TBCD: variants seen among roughly 807,000 people sequenced by gnomAD.
TBCD encodes the protein tubulin folding cofactor D.
In TBCD, 105 loss-of-function variants were observed where a neutral mutation model predicts 169.3. That is an observed-to-expected ratio of 0.62 (90% CI 0.53 to 0.73). The LOEUF (loss-of-function observed/expected upper bound fraction) is 0.73. TBCD is among the 30% of genes least tolerant of loss of function. TBCD has a pLI of 0.00. For synonymous variants in TBCD, 700 were observed against 643.9 expected, an observed-to-expected ratio of 1.09 and a Z score of -1.32; for missense variants, 1,444 against 1,600.1, an observed-to-expected ratio of 0.90 and a Z score of 1.66.
At position 82,884,333 on chromosome 17, in the gene TBCD, G is replaced by C. The variant is rs1489260602; in HGVS notation, c.1533+131G>C. 5.2e-5 allele frequency: 44 copies of C among 838,842 alleles called. No homozygotes were observed. The South Asian group carries it at 5.6e-4, about 11-fold the overall frequency. 52.0% of individuals were successfully genotyped at this position (838,842 alleles called of 1,614,324 possible). ...GCAGGAGCCGCGAGGGAGCTGCTGA[G>C]AGTGCCAGCTGCGGGCAGGCCACTG... On this transcript the variant is annotated intron_variant, in intron 15 of 38. Coordinates refer to ENST00000355528, the MANE Select transcript of TBCD (RefSeq NM_005993.5). The surrounding 1 kb of genome is among the most constrained non-coding windows in gnomAD (Gnocchi z 4.2).
intron 1 of TBCD, among the ~76,000 whole-genome samples, chr17:82,755,248 C>A (rs955737043): frequency 1.3e-5 from 2 of 152,140 alleles, no homozygotes; most frequent in Non-Finnish European, 2.9e-5. Flanking sequence ...TTTTCTTATG[C>A]AGATGAAGGT....
chr17:82,860,396 C>T lies in TBCD; in HGVS notation c.1319-9828C>T, dbSNP rs536255379. The T allele has an allele frequency of 2.1e-5, 21 of 985,458 alleles. No homozygotes were observed. In the East Asian group the frequency reaches 1.4e-3, roughly 64 times the overall value. 61.0% of individuals were successfully genotyped at this position (985,458 alleles called of 1,614,324 possible). ...GGCTCTTTTCCCTGTGGTGGCTGCT[C>T]GGGTGGCAGTGAGCGGACAGCGAGG... On this transcript the variant is annotated intron_variant, in intron 13 of 38. Transcript: ENST00000355528.
intron 13 of TBCD, among the ~76,000 whole-genome samples, chr17:82,851,061 G>T (rs1028842599): frequency 6.6e-6 from 1 of 152,156 alleles, no homozygotes; most frequent in Non-Finnish European, 1.5e-5. Context: ...GGCACCTGAG[G>T]AACATTCACA....
In TBCD at chr17:82,789,304, A is replaced by G. The variant is rs1329064037; in HGVS notation, c.771+7583A>G. Among the ~76,000 whole-genome samples, 1 of 152,222 alleles carries G rather than the reference A, an allele frequency of 6.6e-6. No homozygotes were observed. The highest frequency in any genetic ancestry group is 2.4e-5 in the African/African-American group (1 of 41,456). On this transcript the variant is annotated intron_variant, in intron 7 of 38. Coordinates refer to ENST00000355528, the MANE Select transcript of TBCD (RefSeq NM_005993.5). This position sits in a 1 kb window ranked among gnomAD's most constrained non-coding sequence, Gnocchi z 4.8. ...TGCCGTGAGTCTTACAGAAACCTGC[A>G]TGGTGAGCCGCACGCCTTTGAGTCC...
At chr17:82,875,589 C>A (rs1452041672) in intron 14 of TBCD, among the ~76,000 whole-genome samples, 1 of 152,230 alleles carries the variant, frequency 6.6e-6, no homozygotes, top group East Asian at 1.9e-4. Flanking sequence ...TCGAGCAAAC[C>A]TGCTGAGCGG....
Position 82,939,442 on chromosome 17 carries a change from G to C in TBCD, c.3445G>C (p.Asp1149His). Residue 1149 changes from aspartate to histidine, a missense_variant, in exon 37 of 39, where the codon GAC becomes CAC. Physicochemically the swap from Asp to His is moderately conservative, Grantham distance 81. Coordinates refer to ENST00000355528, the MANE Select transcript of TBCD (RefSeq NM_005993.5). ...TGACGTCGTGGGCGCGGATGTGCTG[G>C]ACGAGGTGGTGACTGTGCTCAGTGA... The part of the protein sequence containing the change: ...YSDVVGADVL[D>H]EVVTVLSDTA... The C allele has an allele frequency of 1.2e-6, 2 of 1,613,676 alleles. No homozygotes were observed. Among genetic ancestry groups the C allele is most frequent in the South Asian group, 2.2e-5 (2 of 90,980 alleles).
intron 12 of TBCD, among the ~76,000 whole-genome samples, chr17:82,810,500 T>G (rs1427892334): frequency 6.6e-6 from 1 of 151,046 alleles, no homozygotes; most frequent in Non-Finnish European, 1.5e-5. Flanking sequence ...CTTGTCAGCC[T>G]TCAGGGAGTT....
chr17:82,769,361 A>G (rs2048187512), intron 5 of TBCD, among the ~76,000 whole-genome samples: 1 of 152,188 alleles, frequency 6.6e-6, no homozygotes, highest in Admixed American at 6.5e-5. Context: ...GTGACGTCCC[A>G]TTCCTCTGCC....
chr17:82,872,054 G>T lies in TBCD; in HGVS notation c.1475+1674G>T, dbSNP rs190422509. Among the ~76,000 whole-genome samples, 5 of 152,294 alleles carry T rather than the reference G, an allele frequency of 3.3e-5. No individual in the cohort carries two copies. The East Asian group carries it at 9.6e-4, about 29-fold the overall frequency. ...CTTACCAAATACTCAGTAGCGTCCGGAGAGGGACCTCAACCCGGTTACTTC... is the reference window on the plus strand; with the variant it reads ...CTTACCAAATACTCAGTAGCGTCCGTAGAGGGACCTCAACCCGGTTACTTC... On this transcript the variant is annotated intron_variant, in intron 14 of 38. Coordinates refer to ENST00000355528, the MANE Select transcript of TBCD (RefSeq NM_005993.5).
chr17:82,910,591 C>T (rs2060563742), intron 22 of TBCD, among the ~76,000 whole-genome samples: 1 of 151,418 alleles, frequency 6.6e-6, no homozygotes, highest in Admixed American at 6.6e-5. Flanking sequence ...TTTGGAGAAG[C>T]AGTCTCACTC....
intron 2 of TBCD, among the ~76,000 whole-genome samples, chr17:82,761,138 A>G (rs1221569304): frequency 1.3e-5 from 2 of 151,994 alleles, no homozygotes; most frequent in African/African-American, 4.8e-5. Context: ...CAATTTTTGT[A>G]TTCTGAGTAG....
chr17:82,892,689 C>A lies in TBCD; in HGVS notation c.1564-858C>A, dbSNP rs528039312. Among the ~76,000 whole-genome samples the A allele has an allele frequency of 1.5e-3, 234 of 152,276 alleles. 1 individual carries two copies. Among genetic ancestry groups the A allele is most frequent in the African/African-American group, 5.5e-3 (229 of 41,552 alleles). Reference sequence around the variant, plus strand: ...AGACGTCAAGGAAGGATCTGAATCCCGGCCTCGGAGGTGGGCAGGCTTGGG... The same window carrying A: ...AGACGTCAAGGAAGGATCTGAATCCAGGCCTCGGAGGTGGGCAGGCTTGGG... On this transcript the variant is annotated intron_variant, in intron 16 of 38. Coordinates refer to ENST00000355528, the MANE Select transcript of TBCD (RefSeq NM_005993.5).
rs554272717 is a variant in TBCD at position 82,861,954 on chromosome 17, G to A, written c.1319-8270G>A. Among the ~76,000 whole-genome samples the A allele has an allele frequency of 6.1e-4, 91 of 150,100 alleles. 4 individuals carry two copies. In the South Asian group the frequency reaches 0.018, roughly 29 times the overall value. On this transcript the variant is annotated intron_variant, in intron 13 of 38. Coordinates refer to ENST00000355528, the MANE Select transcript of TBCD (RefSeq NM_005993.5). ...TTTTTTGAGACAGAGTCTCGCTGTC[G>A]CCCAGGCTGGAGTGCTGGAGTGCAG...
chr17:82,833,000 G>A lies in TBCD; in HGVS notation c.1318+18066G>A, dbSNP rs74002545. Among the ~76,000 whole-genome samples the A allele has an allele frequency of 0.01, 1,567 of 152,230 alleles. 23 individuals are homozygous for A. The highest frequency in any genetic ancestry group is 0.035 in the African/African-American group (1,459 of 41,550). On this transcript the variant is annotated intron_variant, in intron 13 of 38. Coordinates refer to ENST00000355528, the MANE Select transcript of TBCD (RefSeq NM_005993.5). This position sits in a 1 kb window ranked among gnomAD's most constrained non-coding sequence, Gnocchi z 4.9. ...GACCTTTCCTCGAAAGCGCCCTGCC[G>A]GGGGCTGAGGACACCGAGCCCCCTC... is the stretch of plus-strand genomic sequence containing the variant.
At chr17:82,771,047 CAAAAAA>C (rs36015818) in intron 5 of TBCD, among the ~76,000 whole-genome samples, 90 of 38,656 alleles carry the variant, frequency 2.3e-3, no homozygotes, top group African/African-American at 5.6e-3. Context: ...GACTCCGTCT[CAAAAAA>C]AAAAAAAAAA....
intron 14 of TBCD, chr17:82,876,906 C>T: frequency 7.2e-6 from 7 of 966,532 alleles, no homozygotes; most frequent in Non-Finnish European, 8.6e-6. Flanking sequence ...GCGTCTCCTG[C>T]TGTCAGCCGG....
chr17:82,781,509 G>A (rs1265368601), intron 6 of TBCD, 80 bp from the exon 7 acceptor site: 3 of 1,560,434 alleles, frequency 1.9e-6, no homozygotes, highest in East Asian at 2.3e-5. Context: ...CTGGGGAGGT[G>A]GGTGTGTGTG....
At chr17:82,893,456 G>T (rs2059283772) in intron 16 of TBCD, 91 bp from the exon 17 acceptor site, 3 of 1,059,496 alleles carry the variant, frequency 2.8e-6, no homozygotes, top group African/African-American at 3.2e-5. Context: ...GTTCATGAGT[G>T]TAAATGTCTG....
chr17:82,903,589 G>C lies in TBCD; in HGVS notation c.1804+111G>C, dbSNP rs1228792554. ...AAAATAAGGTTGTGCTTCTGTCTTG[G>C]TGAGAAGCATCTGAGGAAAGAGCTG... On this transcript the variant is annotated intron_variant, in intron 19 of 38. Coordinates refer to ENST00000355528, the MANE Select transcript of TBCD (RefSeq NM_005993.5). The surrounding 1 kb of genome is among the most constrained non-coding windows in gnomAD (Gnocchi z 4.8). 3 of 1,128,612 alleles carry C rather than the reference G, an allele frequency of 2.7e-6. No individual in the cohort carries two copies. In the Admixed American group the frequency reaches 6.8e-5, roughly 26 times the overall value. The allele number at this position is 1,128,612 out of a possible 1,614,324, so 69.9% of individuals were successfully genotyped here. A position where few individuals can be genotyped will look rare whatever the true frequency, so the allele number is the denominator to read the frequency against.
Sources: allele counts gnomAD v4.1 joint callset (sites outside exome capture counted in the v4.1 genomes callset), GRCh38; gene constraint gnomAD v4.1.1; non-coding constraint Gnocchi (gnomAD v3.1); transcripts MANE v1.5; gene names NCBI Gene and HGNC (gene_info 2026-07-23, HGNC 2026-07-21).